NELL1: variants seen among roughly 807,000 people sequenced by gnomAD.
NELL1 encodes neural EGFL like 1.
A neutral mutation model predicts 107.4 loss-of-function variants in NELL1; 76 were observed. The ratio of observed to expected loss-of-function variants is 0.71; its 90% CI spans 0.59 to 0.86. The LOEUF (loss-of-function observed/expected upper bound fraction) is 0.86. Ranked by LOEUF, NELL1 falls within the 40% of genes least tolerant of loss-of-function variation. NELL1 has a pLI of 0.00. For missense variants in NELL1, 1,024 were observed against 1,005.5 expected (o/e 1.02, Z -0.25); for synonymous variants, 353 against 341.2 (o/e 1.03, Z -0.38).
chr11:21,281,498 G>T (rs1848992831), intron 14 of NELL1, among the ~76,000 whole-genome samples: 1 of 152,188 alleles, frequency 6.6e-6, no homozygotes, highest in Non-Finnish European at 1.5e-5. Flanking sequence ...CTGAAGAGAA[G>T]GATGCAAGCC....
At chr11:21,154,713 A>C in intron 13 of NELL1, among the ~76,000 whole-genome samples, 1 of 152,186 alleles carries the variant, frequency 6.6e-6, no homozygotes, top group East Asian at 1.9e-4. Context: ...ATTAAGCTGG[A>C]TTATGTAGGA....
chr11:20,913,015 A>T (rs1340498967), intron 5 of NELL1, among the ~76,000 whole-genome samples: 1 of 152,136 alleles, frequency 6.6e-6, no homozygotes, highest in Non-Finnish European at 1.5e-5. Context: ...ATTGATCATA[A>T]TGAAAGTCGA....
intron 15 of NELL1, among the ~76,000 whole-genome samples, chr11:21,375,654 T>C (rs1428789458): frequency 6.6e-6 from 1 of 152,158 alleles, no homozygotes; most frequent in East Asian, 1.9e-4. Context: ...CTAAACTAAT[T>C]TACATTCCCA....
intron 12 of NELL1, among the ~76,000 whole-genome samples, chr11:21,080,469 C>T (rs1317648475): frequency 6.6e-6 from 1 of 151,942 alleles, no homozygotes; most frequent in Non-Finnish European, 1.5e-5. Flanking sequence ...TCCTTTTTCA[C>T]TTAGTATGTT....
At chr11:20,946,030 A>G (rs1331805574) in intron 10 of NELL1, among the ~76,000 whole-genome samples, 1 of 152,238 alleles carries the variant, frequency 6.6e-6, no homozygotes, top group Non-Finnish European at 1.5e-5. Context: ...AGAGGAAGCC[A>G]TGGTGCAAAT....
At chr11:20,792,216 C>G (rs1857089368) in intron 3 of NELL1, among the ~76,000 whole-genome samples, 1 of 151,618 alleles carries the variant, frequency 6.6e-6, no homozygotes, top group Admixed American at 6.6e-5. Context: ...TTAGATGATC[C>G]CCTTTGACTT....
chr11:20,810,888 A>G (rs1857488990), intron 3 of NELL1, among the ~76,000 whole-genome samples: 1 of 151,722 alleles, frequency 6.6e-6, no homozygotes, highest in Non-Finnish European at 1.5e-5. Context: ...AGTTTCTTAT[A>G]TATTTTTTAT....
chr11:20,711,936 T>C (rs541376506), intron 2 of NELL1, among the ~76,000 whole-genome samples: 1 of 152,252 alleles, frequency 6.6e-6, no homozygotes, highest in African/African-American at 2.4e-5. Context: ...TTTAGTAAGA[T>C]GCCTAGATCT....
intron 5 of NELL1, among the ~76,000 whole-genome samples, chr11:20,899,901 T>TAAAC (rs3045589): frequency 0.92 from 140,159 of 151,988 alleles, 64,778 homozygotes; most frequent in East Asian, 1. Context: ...GGACTTCAAA[T>TAAAC]AACTATGGTA....
intron 8 of NELL1, among the ~76,000 whole-genome samples, chr11:20,927,666 C>A (rs191966094): frequency 6.6e-6 from 1 of 152,122 alleles, no homozygotes; most frequent in African/African-American, 2.4e-5. Context: ...TGCCAACACA[C>A]CCTAATTTGA....
intron 15 of NELL1, among the ~76,000 whole-genome samples, chr11:21,530,085 A>G (rs940156656): frequency 6.6e-6 from 1 of 152,158 alleles, no homozygotes; most frequent in African/African-American, 2.4e-5. Context: ...AGTGCTTAGT[A>G]TATGGGGCAA....
chr11:21,570,482 C>T (rs1173280822), intron 17 of NELL1, among the ~76,000 whole-genome samples: 2 of 151,924 alleles, frequency 1.3e-5, no homozygotes, highest in East Asian at 3.9e-4. Context: ...ATAATTCTTA[C>T]TTAGAAATAC....
chr11:21,187,468 A>G (rs1281826869), intron 13 of NELL1, among the ~76,000 whole-genome samples: 1 of 151,894 alleles, frequency 6.6e-6, no homozygotes, highest in Non-Finnish European at 1.5e-5. Flanking sequence ...TTAAAATGAT[A>G]AATTCATCCT....
At chr11:20,718,527 T>G (rs768937245) in intron 2 of NELL1, among the ~76,000 whole-genome samples, 2 of 152,118 alleles carry the variant, frequency 1.3e-5, no homozygotes, top group Non-Finnish European at 2.9e-5. Flanking sequence ...AGCTATGTGC[T>G]AGGCACAGTA....
chr11:21,245,827 T>G (rs1858475855), intron 14 of NELL1, among the ~76,000 whole-genome samples: 1 of 152,186 alleles, frequency 6.6e-6, no homozygotes, highest in Admixed American at 6.6e-5. Context: ...TCTCTTAGAC[T>G]TACCTTTAGG....
chr11:21,077,103 G>T (rs989174894), intron 12 of NELL1, among the ~76,000 whole-genome samples: 1 of 151,966 alleles, frequency 6.6e-6, no homozygotes, highest in Admixed American at 6.6e-5. Flanking sequence ...AGCATGCAAG[G>T]GAATAAAAGT....
intron 16 of NELL1, among the ~76,000 whole-genome samples, chr11:21,555,034 A>T (rs1025844352): frequency 4.2e-4 from 64 of 152,078 alleles, no homozygotes; most frequent in African/African-American, 1.2e-3. Flanking sequence ...ATATTTTTTT[A>T]AAATGAGAGA....
intron 2 of NELL1, among the ~76,000 whole-genome samples, chr11:20,686,365 A>C (rs891928376): frequency 1.1e-4 from 17 of 152,132 alleles, no homozygotes; most frequent in African/African-American, 4.1e-4. Context: ...TGAGTAAGTA[A>C]GATTTTTATT....
chr11:21,435,980 T>G (rs533897409), intron 15 of NELL1, among the ~76,000 whole-genome samples: 1 of 152,296 alleles, frequency 6.6e-6, no homozygotes, highest in East Asian at 1.9e-4. Flanking sequence ...GGCATTTCTT[T>G]TTTTAGGAGA....
Sources: gnomAD v4.1 joint callset for allele counts (sites outside exome capture counted in the v4.1 genomes callset) on GRCh38, gnomAD v4.1.1 for gene constraint, MANE v1.5 for transcripts, NCBI Gene and HGNC (gene_info 2026-07-23, HGNC 2026-07-21) for gene names.